ADAMTSL1: variants seen among roughly 807,000 people sequenced by gnomAD.
ADAMTSL1 encodes the protein ADAMTS like 1.
A neutral mutation model predicts 201.8 loss-of-function variants in ADAMTSL1; 126 were observed. The observed-to-expected ratio is 0.62, with a 90% confidence interval of 0.54 to 0.72. The LOEUF is 0.72. Among genes scored for constraint, ADAMTSL1 ranks in the 30% least tolerant of loss-of-function variants. ADAMTSL1 has a pLI of 0.00. For missense variants in ADAMTSL1, 2,679 were observed against 2,277.8 expected, an observed-to-expected ratio of 1.18 and a Z score of -3.59; for synonymous variants, 1,121 against 903.4, an observed-to-expected ratio of 1.24 and a Z score of -4.32.
chr9:18,236,996 A>AT (rs1192644347), intron 2 of ADAMTSL1, among the ~76,000 whole-genome samples: 1 of 152,188 alleles, frequency 6.6e-6, no homozygotes, highest in Non-Finnish European at 1.5e-5. Context: ...CACAGATAAC[A>AT]TTTTTCCAGA....
At chr9:18,374,489 C>G (rs1424149581) in intron 2 of ADAMTSL1, among the ~76,000 whole-genome samples, 1 of 151,956 alleles carries the variant, frequency 6.6e-6, no homozygotes, top group Non-Finnish European at 1.5e-5. Context: ...TGCACCACCT[C>G]ACCTGGCTAA....
At chr9:18,247,214 A>G (rs945734206) in intron 2 of ADAMTSL1, among the ~76,000 whole-genome samples, 5 of 152,216 alleles carry the variant, frequency 3.3e-5, no homozygotes, top group African/African-American at 1.2e-4. Flanking sequence ...TCCTAATATT[A>G]ATAGTAACAG....
chr9:18,031,674 G>T (rs571356456), intron 1 of ADAMTSL1, among the ~76,000 whole-genome samples: 1 of 152,304 alleles, frequency 6.6e-6, no homozygotes, highest in African/African-American at 2.4e-5. Flanking sequence ...CAGGGCTTTG[G>T]TGGAGCCTTT....
In ADAMTSL1 at chr9:18,775,895, A is replaced by C. The variant is rs1820954978; in HGVS notation, c.2550A>C (p.Ala850=). The C allele has an allele frequency of 6.3e-7, 1 of 1,591,070 alleles. No homozygotes were observed. The highest frequency in any genetic ancestry group is 8.6e-7 in the Non-Finnish European group (1 of 1,167,842). The change falls in exon 18 of 29, where the codon GCA becomes GCC. Residue 850 remains alanine (A), a splice_region_variant and synonymous_variant. Transcript: ENST00000380548. ...SIRPCMLATC[A]RPGRPSTKHS... ...GGCCCTGTATGCTGGCAACCTGTGC[A>C]AGTAAGTATGTCAGGGCTCTGGGAA...
chr9:18,104,255 T>G (rs1021524256), intron 1 of ADAMTSL1, among the ~76,000 whole-genome samples: 1 of 152,174 alleles, frequency 6.6e-6, no homozygotes, highest in African/African-American at 2.4e-5. Flanking sequence ...GATATACCAC[T>G]AGCAGTGTAG....
intron 2 of ADAMTSL1, among the ~76,000 whole-genome samples, chr9:18,201,339 C>A (rs1475875643): frequency 2.0e-5 from 3 of 151,948 alleles, no homozygotes; most frequent in African/African-American, 7.2e-5. Flanking sequence ...TGGATGATGT[C>A]GAGTTATCTT....
Position 18,775,774 on chromosome 9 carries a change from C to T in ADAMTSL1, c.2429C>T (p.Thr810Ile), listed in dbSNP as rs1446263500. The T allele has an allele frequency of 6.2e-7, 1 of 1,612,900 alleles. No homozygotes were observed. Among genetic ancestry groups the T allele is most frequent in the Non-Finnish European group, 8.5e-7 (1 of 1,179,548 alleles). Reference protein sequence around the residue: ...CSTSCGEGTQTRSAICRKMLK... With the variant: ...CSTSCGEGTQIRSAICRKMLK... ...ACAAGCTGCGGGGAAGGCACCCAGA[C>T]TCGAAGCGCCATTTGCCGAAAGATG... Residue 810 changes from threonine (T) to isoleucine (I), a missense_variant, in exon 18 of 29, where the codon ACT becomes ATT. By Grantham distance (89) the Thr-to-Ile change is moderately conservative (BLOSUM62 -1). Transcript: ENST00000380548.
intron 2 of ADAMTSL1, among the ~76,000 whole-genome samples, chr9:18,313,707 A>G (rs1178521201): frequency 1.3e-5 from 2 of 152,218 alleles, no homozygotes; most frequent in African/African-American, 4.8e-5. Flanking sequence ...AACTCCTAGG[A>G]CATGAGCAGT....
Position 17,975,496 on chromosome 9 carries a change from G to A in ADAMTSL1, c.87+68574G>A, listed in dbSNP as rs576412819. ...CTCATCAAGAGCACTAATACCATTCGTGAGGGCTGAGCCTAATCATCTCCC... is the reference window on the plus strand; with the variant it reads ...CTCATCAAGAGCACTAATACCATTCATGAGGGCTGAGCCTAATCATCTCCC... On this transcript the variant is annotated intron_variant, in intron 1 of 29. Coordinates refer to the ADAMTSL1 transcript ENST00000680146. 1.6e-4 allele frequency among the ~76,000 whole-genome samples: 24 copies of A among 152,088 alleles called. No homozygotes were observed. The South Asian group carries it at 4.6e-3, about 29-fold the overall frequency.
intron 1 of ADAMTSL1, among the ~76,000 whole-genome samples, chr9:18,115,561 GTTTA>G: frequency 6.6e-6 from 1 of 152,274 alleles, no homozygotes; most frequent in South Asian, 2.1e-4. Flanking sequence ...TCTGTATTTT[GTTTA>G]TTTACCAGAA....
chr9:17,927,164 TA>T (rs2131308068), intron 1 of ADAMTSL1, among the ~76,000 whole-genome samples: 1 of 152,354 alleles, frequency 6.6e-6, no homozygotes, highest in Admixed American at 6.5e-5. Context: ...TATTTGGTTT[TA>T]TTTTGTGACT....
chr9:18,632,694 A>G (rs146881504), intron 5 of ADAMTSL1, among the ~76,000 whole-genome samples: 271 of 152,304 alleles, frequency 1.8e-3, no homozygotes, highest in African/African-American at 6.4e-3. Flanking sequence ...CTTGTGGAAT[A>G]AAGTAATGAA....
chr9:18,151,926 T>C (rs1365602544), intron 1 of ADAMTSL1, among the ~76,000 whole-genome samples: 1 of 152,086 alleles, frequency 6.6e-6, no homozygotes, highest in African/African-American at 2.4e-5. Context: ...GTCAGCCAAG[T>C]GAGTCAGTCA....
rs748245202 is a variant in ADAMTSL1, at chr9:18,777,046, C to T, written c.2817C>T (p.Pro939=). 3.1e-6 allele frequency: 5 copies of T among 1,612,176 alleles called. No individual in the cohort carries two copies. The highest frequency in any genetic ancestry group is 3.4e-6 in the Non-Finnish European group (4 of 1,178,946). The change falls in exon 19 of 29, where the codon CCC becomes CCT. Residue 939 remains proline (P), a synonymous_variant. Transcript: ENST00000380548. ...FGYLKIHRLK[P]SDAGVYTCSA... ...ATCTCAAGATCCACCGCCTCAAGCC[C>T]TCGGATGCAGGCGTCTACACCTGCT...
At chr9:18,606,208 G>T (rs1459126368) in intron 4 of ADAMTSL1, among the ~76,000 whole-genome samples, 1 of 152,086 alleles carries the variant, frequency 6.6e-6, no homozygotes, top group East Asian at 1.9e-4. Context: ...GGTAATAACC[G>T]AGTCAATGCT....
At chr9:18,428,316 A>G (rs1255399926) in intron 2 of ADAMTSL1, among the ~76,000 whole-genome samples, 1 of 151,876 alleles carries the variant, frequency 6.6e-6, no homozygotes, top group African/African-American at 2.4e-5. Context: ...TTGCCATCCC[A>G]CATCTATCAG....
At chr9:18,508,532 C>A (rs755041880) in intron 2 of ADAMTSL1, among the ~76,000 whole-genome samples, 7 of 152,114 alleles carry the variant, frequency 4.6e-5, no homozygotes, top group Non-Finnish European at 1.0e-4. Context: ...ACCTAAGAAG[C>A]TATTTGTTTT....
chr9:18,360,876 T>A lies in ADAMTSL1; in HGVS notation c.208-143953T>A, dbSNP rs553006364. On this transcript the variant is annotated intron_variant, in intron 2 of 29. Transcript: ENST00000680146. ...AACTTTTCATTTTCCCCCAGAAAAATGGACTCCAAAACAACCATTTTTAAG... is the reference window on the plus strand; with the variant it reads ...AACTTTTCATTTTCCCCCAGAAAAAAGGACTCCAAAACAACCATTTTTAAG... 3.3e-5 allele frequency among the ~76,000 whole-genome samples: 5 copies of A among 152,250 alleles called. No individual in the cohort carries two copies. The South Asian group carries it at 1.0e-3, about 32-fold the overall frequency.
At chr9:18,166,653 A>G (rs1316320578) in intron 2 of ADAMTSL1, among the ~76,000 whole-genome samples, 1 of 151,932 alleles carries the variant, frequency 6.6e-6, no homozygotes, top group African/African-American at 2.4e-5. Context: ...CAGAAGTAGC[A>G]TTAACTCTAG....
Sources: gnomAD v4.1 joint callset for allele counts (sites outside exome capture counted in the v4.1 genomes callset) on GRCh38, gnomAD v4.1.1 for gene constraint, MANE v1.5 for transcripts, NCBI Gene and HGNC (gene_info 2026-07-23, HGNC 2026-07-21) for gene names.